The following PDGFRB variants were observed in gnomAD, a reference collection of about 807,000 sequenced individuals.
PDGFRB encodes platelet-derived growth factor receptor beta.
In PDGFRB, 42 loss-of-function variants were observed where a neutral mutation model predicts 120.2. The observed-to-expected ratio is 0.35, with a 90% CI of 0.27 to 0.45. The LOEUF (loss-of-function observed/expected upper bound fraction) is 0.45, where lower values mean the gene tolerates loss of function less well. Ranked by LOEUF, PDGFRB falls within the 20% of genes least tolerant of loss-of-function variation. The pLI is 1.00. For synonymous variants in PDGFRB, 586 were observed against 606.8 expected (o/e 0.97, Z 0.50); for missense variants, 1,149 against 1,476.3 (o/e 0.78, Z 3.63).
chr5:150,115,799 A>G lies in PDGFRB; in HGVS notation c.3285T>C (p.Pro1095=). 2 of 1,611,626 alleles carry G rather than the reference A, an allele frequency of 1.2e-6. No homozygotes were observed. Among genetic ancestry groups the G allele is most frequent in the East Asian group, 2.2e-5 (1 of 44,808 alleles). The change falls in exon 23 of 23, where the codon CCT becomes CCC. Residue 1095 remains proline (P), a synonymous_variant. Transcript: ENST00000261799. ...TATCCTCTGCTTCCGCCCGAGGCGC[A>G]GGGCACCCCGAATCCGGCAACTGTT... The part of the protein sequence containing the change: ...ELEQLPDSGC[P]APRAEAEDSF...
intron 22 of PDGFRB, among the ~76,000 whole-genome samples, chr5:150,116,548 G>A (rs971160115): frequency 5.9e-5 from 9 of 152,040 alleles, no homozygotes; most frequent in African/African-American, 1.9e-4. Flanking sequence ...GGTGGAGGTT[G>A]CAGTGAGCCG....
Position 150,120,855 on chromosome 5 carries a change from G to A in PDGFRB, c.2586+33C>T, listed in dbSNP as rs1189075066. Reference sequence around the variant, plus strand: ...CTGTTCCTGCGGTCACAGGCACTGTGACTGCCCTGCAGGGGCCAGGGAAGG... The same window carrying A: ...CTGTTCCTGCGGTCACAGGCACTGTAACTGCCCTGCAGGGGCCAGGGAAGG... On this transcript the variant is annotated intron_variant, in intron 18 of 22. Coordinates refer to ENST00000261799, the MANE Select transcript of PDGFRB (RefSeq NM_002609.4). The surrounding 1 kb of genome is among the most constrained non-coding windows in gnomAD (Gnocchi z 4.3). The A allele has an allele frequency of 2.5e-6, 4 of 1,608,188 alleles. No individual in the cohort carries two copies. In the Admixed American group the frequency reaches 5.0e-5, roughly 20 times the overall value.
Position 150,114,295 on chromosome 5 carries a change from C to T in PDGFRB, c.*1468G>A. 4.3e-6 allele frequency: 1 copy of T among 233,270 alleles called. No individual in the cohort carries two copies. 14.5% of individuals were successfully genotyped at this position (233,270 alleles called of 1,614,324 possible). On this transcript the variant is annotated 3_prime_UTR_variant, in exon 23 of 23. Coordinates refer to ENST00000261799, the MANE Select transcript of PDGFRB (RefSeq NM_002609.4). ...CAGCTGGTGGGTGAGGGGCAAACCTCCAAAGCGCCCACCTCTCACATCCTT... is the reference window on the plus strand; with the variant it reads ...CAGCTGGTGGGTGAGGGGCAAACCTTCAAAGCGCCCACCTCTCACATCCTT...
At chr5:150,130,171 C>T (rs1259512569) in intron 9 of PDGFRB, among the ~76,000 whole-genome samples, 5 of 152,216 alleles carry the variant, frequency 3.3e-5, no homozygotes, top group Non-Finnish European at 7.3e-5. Flanking sequence ...TTGCAAAATC[C>T]ATTCTTATTT....
Position 150,126,535 on chromosome 5 carries a change from G to C in PDGFRB, c.1659C>G (p.Ile553Met). 1 of 1,595,794 alleles carries C rather than the reference G, an allele frequency of 6.3e-7. No individual in the cohort carries two copies. The highest frequency in any genetic ancestry group is 2.2e-5 in the East Asian group (1 of 44,782). ...AGGGGCTTACCTTCTGCCAAAGCAT[G>C]ATGAGGATGATAAGGGAGATGATGG... ...VLTIISLIIL[I>M]MLWQKKPRYE... is the part of the protein sequence containing the mutation. The change falls in exon 11 of 23, where the codon ATC becomes ATG. Residue 553 changes from isoleucine to methionine, a missense_variant. Physicochemically the swap from Ile to Met is conservative, Grantham distance 10. Coordinates refer to ENST00000261799, the MANE Select transcript of PDGFRB (RefSeq NM_002609.4).
In PDGFRB at chr5:150,133,957, C is replaced by G. The variant is rs374239531; in HGVS notation, c.683G>C (p.Gly228Ala). ...VNAVQTVVRQGENITLMCIVI... is the reference protein window; with the variant it reads ...VNAVQTVVRQAENITLMCIVI... The stretch of plus-strand genomic sequence containing the variant: ...AATGCACATGAGGGTGATGTTCTCA[C>G]CCTGGCGGACCACAGTCTGCACTGC... The change falls in exon 5 of 23, where the codon GGT becomes GCT. Residue 228 changes from glycine (G) to alanine (A), a missense_variant. Physicochemically the swap from Gly to Ala is moderately conservative, Grantham distance 60. This residue lies in a region of PDGFRB where 879 missense variants were observed against 1,108.6 expected (regional missense o/e 0.79). Coordinates refer to ENST00000261799, the MANE Select transcript of PDGFRB (RefSeq NM_002609.4). 1 of 1,613,806 alleles carries G rather than the reference C, an allele frequency of 6.2e-7. No homozygotes were observed. Among genetic ancestry groups the G allele is most frequent in the African/African-American group, 1.3e-5 (1 of 74,920 alleles).
chr5:150,130,448 T>G, intron 9 of PDGFRB, 91 bp downstream of exon 9: 9 of 1,281,596 alleles, frequency 7.0e-6, no homozygotes, highest in Non-Finnish European at 8.8e-6. Context: ...CGGAACAATA[T>G]GCCAAGAAGA....
chr5:150,130,442 A>C, intron 9 of PDGFRB, 97 bp downstream of exon 9: 1 of 1,229,080 alleles, frequency 8.1e-7, no homozygotes, highest in Non-Finnish European at 1.2e-6. Context: ...TATGCCCGGA[A>C]CAATATGCCA....
chr5:150,135,920 CA>C (rs763338099), intron 2 of PDGFRB, 42 bp from the exon 3 acceptor site: 1 of 1,398,158 alleles, frequency 7.2e-7, no homozygotes, highest in Non-Finnish European at 9.7e-7. Context: ...ACAGGGGCTT[CA>C]GCACCTCTCC....
intron 1 of PDGFRB, among the ~76,000 whole-genome samples, chr5:150,149,887 A>C (rs1225492707): frequency 6.6e-6 from 1 of 152,170 alleles, no homozygotes; most frequent in African/African-American, 2.4e-5. Context: ...GAGCAGCAGC[A>C]ATGAGGATGT....
In PDGFRB at chr5:150,138,757, C is replaced by T. The variant is rs1201027939; in HGVS notation, c.-6-1704G>A. Among the ~76,000 whole-genome samples, 4 of 152,366 alleles carry T rather than the reference C, an allele frequency of 2.6e-5. No homozygotes were observed. In the East Asian group the frequency reaches 7.7e-4, roughly 29 times the overall value. On this transcript the variant is annotated intron_variant, in intron 1 of 22. Coordinates refer to ENST00000261799, the MANE Select transcript of PDGFRB (RefSeq NM_002609.4). ...GCAGCGCCAAGGCGGAGCCAGCAGC[C>T]CCCACAGAGGCCCATCTGCCCCTCC... is the stretch of plus-strand genomic sequence containing the variant.
At position 150,132,769 on chromosome 5, in the gene PDGFRB, G is replaced by A. The variant is rs200684708; in HGVS notation, c.1108C>T (p.Arg370Cys). The A allele has an allele frequency of 1.6e-4, 256 of 1,613,198 alleles. 1 individual carries two copies. In the East Asian group the frequency reaches 4.2e-3, roughly 26 times the overall value. ...GCTCACCGGGTCTCCGACACGTTGC[G>A]CGTGGACAGGGCGATTTCGCCAGCG... ...SSAGEIALST[R>C]NVSETRYVSE... The change falls in exon 7 of 23, where the codon CGC becomes TGC. Residue 370 changes from arginine to cysteine, a missense_variant. Coordinates refer to ENST00000261799, the MANE Select transcript of PDGFRB (RefSeq NM_002609.4). This position sits in a 1 kb window ranked among gnomAD's most constrained non-coding sequence, Gnocchi z 5.0.
In PDGFRB at chr5:150,142,547, C is replaced by G. The variant is rs1392534778; in HGVS notation, c.-6-5494G>C. On this transcript the variant is annotated intron_variant, in intron 1 of 22. Coordinates refer to ENST00000261799, the MANE Select transcript of PDGFRB (RefSeq NM_002609.4). ...ACCGGGGCACTTTACAGGCCTGGGA[C>G]AGACTTTGGAGGGGGGTTGGGGTGG... is the stretch of plus-strand genomic sequence containing the variant. Among the ~76,000 whole-genome samples, 3 of 152,032 alleles carry G rather than the reference C, an allele frequency of 2.0e-5. No homozygotes were observed. In the South Asian group the frequency reaches 6.2e-4, roughly 32 times the overall value.
intron 9 of PDGFRB, 24 bp downstream of exon 9, chr5:150,130,515 A>C (rs566229011): frequency 6.2e-7 from 1 of 1,608,614 alleles, no homozygotes; most frequent in East Asian, 2.2e-5. Flanking sequence ...GGACACTGGG[A>C]GACTGAGGCC....
At chr5:150,134,549 C>T (rs756786067) in intron 4 of PDGFRB, among the ~76,000 whole-genome samples, 4 of 152,214 alleles carry the variant, frequency 2.6e-5, no homozygotes, top group Non-Finnish European at 5.9e-5. Flanking sequence ...TCGAATTCTG[C>T]GACAGGGGAC....
rs1217692910 is a variant in PDGFRB, at chr5:150,120,283, C to G, written c.2587-160G>C. Among the ~76,000 whole-genome samples, 1 of 152,198 alleles carries G rather than the reference C, an allele frequency of 6.6e-6. No homozygotes were observed. The highest frequency in any genetic ancestry group is 1.5e-5 in the Non-Finnish European group (1 of 68,034). On this transcript the variant is annotated intron_variant, in intron 18 of 22. Coordinates refer to ENST00000261799, the MANE Select transcript of PDGFRB (RefSeq NM_002609.4). This position sits in a 1 kb window ranked among gnomAD's most constrained non-coding sequence, Gnocchi z 4.3. ...TCTCTGCGCAGCACAGTTCCCATGT[C>G]CATCCCAGGGCTGGTCAGAGGACCA... is the stretch of plus-strand genomic sequence containing the variant.
Position 150,121,200 on chromosome 5 carries a change from G to A in PDGFRB, c.2463+4C>T, listed in dbSNP as rs557338313. On this transcript the variant is annotated splice_donor_region_variant and intron_variant, in intron 17 of 22. Coordinates refer to ENST00000261799, the MANE Select transcript of PDGFRB (RefSeq NM_002609.4). The surrounding 1 kb of genome is among the most constrained non-coding windows in gnomAD (Gnocchi z 4.1). ...CCACTCTGCCCCACCAACACCACAC[G>A]TACGTTCTTGGAGGCCAGAAACTCC... 4.1e-5 allele frequency: 58 copies of A among 1,398,152 alleles called. 2 individuals carry two copies. The Middle Eastern group carries it at 5.3e-4, about 13-fold the overall frequency. The allele number at this position is 1,398,152 out of a possible 1,614,324, so 86.6% of individuals were successfully genotyped here.
rs1408290366 is a variant in PDGFRB, at chr5:150,113,851, G to A, written c.*1912C>T. 8.7e-6 allele frequency: 2 copies of A among 229,846 alleles called. No homozygotes were observed. The highest frequency in any genetic ancestry group is 5.7e-5 in the Admixed American group (1 of 17,642). 14.2% of individuals were successfully genotyped at this position (229,846 alleles called of 1,614,324 possible). ...AGACCACAAAGTCTGTGAGTGAGAAGCACCAGGTTTAATATTAAAATCTTT... is the reference window on the plus strand; with the variant it reads ...AGACCACAAAGTCTGTGAGTGAGAAACACCAGGTTTAATATTAAAATCTTT... On this transcript the variant is annotated 3_prime_UTR_variant, in exon 23 of 23. Coordinates refer to ENST00000261799, the MANE Select transcript of PDGFRB (RefSeq NM_002609.4).
chr5:150,152,874 A>C (rs1761115746), intron 1 of PDGFRB, among the ~76,000 whole-genome samples: 1 of 152,220 alleles, frequency 6.6e-6, no homozygotes, highest in Non-Finnish European at 1.5e-5. Context: ...CACCTTGCCA[A>C]TGCTGTTGTC....
Sources: allele counts gnomAD v4.1 joint callset (sites outside exome capture counted in the v4.1 genomes callset), GRCh38; gene constraint gnomAD v4.1.1; regional missense constraint gnomAD v4.1.1; non-coding constraint Gnocchi (gnomAD v3.1); transcripts MANE v1.5; gene names NCBI Gene and HGNC (gene_info 2026-07-23, HGNC 2026-07-21).